Variants in WNK1 observed in about 807,000 individuals in gnomAD.
WNK1 encodes serine/threonine-protein kinase WNK1.
WNK1 carries 38 observed loss-of-function variants against 222.8 expected under a neutral mutation model. The observed-to-expected ratio is 0.17, with a 90% CI of 0.13 to 0.22. The LOEUF is 0.22. WNK1 is among the 10% of genes least tolerant of loss of function. The pLI is 1.00. For missense variants in WNK1, 2,348 were observed against 2,918.4 expected (o/e 0.80, Z 4.50); for synonymous variants, 1,090 against 1,092.9 (o/e 1.00, Z 0.05).
intron 1 of WNK1, among the ~76,000 whole-genome samples, chr12:805,606 AG>A (rs1337724892): frequency 6.6e-6 from 1 of 152,186 alleles, no homozygotes; most frequent in African/African-American, 2.4e-5. Context: ...CTTATGTGAG[AG>A]TATCTATTTC....
chr12:837,434 C>T (rs1459689219), intron 4 of WNK1, among the ~76,000 whole-genome samples: 1 of 151,916 alleles, frequency 6.6e-6, no homozygotes, highest in African/African-American at 2.4e-5. Context: ...ATTAGCCATG[C>T]GCGGTGGCGG....
At position 754,102 on chromosome 12, in the gene WNK1, G is replaced by A. The variant is rs1191581335; in HGVS notation, c.537G>A (p.Pro179=). ...TTGTGGGGAGCAAAGAGGAGCCGCC[G>A]CCGGCGAGAAGTGGCAGCGGCGGCG... ...PSLVGSKEEP[P]PARSGSGGGS... The change falls in exon 1 of 28, where the codon CCG becomes CCA. Residue 179 remains proline (P), a synonymous_variant. Coordinates refer to ENST00000315939, the MANE Select transcript of WNK1 (RefSeq NM_018979.4). 3.7e-6 allele frequency: 6 copies of A among 1,611,620 alleles called. No homozygotes were observed. The South Asian group carries it at 4.4e-5, about 12-fold the overall frequency.
Position 826,893 on chromosome 12 carries a change from T to C in WNK1, c.933-149T>C, listed in dbSNP as rs1042478232. On this transcript the variant is annotated intron_variant, in intron 2 of 27. Coordinates refer to ENST00000315939, the MANE Select transcript of WNK1 (RefSeq NM_018979.4). ...TTTAAACTATCATAGCCCTGCTTAC[T>C]AAAAGTATTATTAACCTTTAGTGTT... 4 of 649,830 alleles carry C rather than the reference T, an allele frequency of 6.2e-6. No individual in the cohort carries two copies. The African/African-American group carries it at 7.3e-5, about 12-fold the overall frequency. The allele number at this position is 649,830 out of a possible 1,614,324, so 40.3% of individuals were successfully genotyped here. A position where few individuals can be genotyped will look rare whatever the true frequency, so the allele number is the denominator to read the frequency against.
rs941366194 is a variant in WNK1 at position 887,221 on chromosome 12, G to A, written c.5281G>A (p.Val1761Met). 1 of 1,613,948 alleles carries A rather than the reference G, an allele frequency of 6.2e-7. No homozygotes were observed. Among genetic ancestry groups the A allele is most frequent in the African/African-American group, 1.3e-5 (1 of 74,884 alleles). Residue 1761 changes from valine to methionine, a missense_variant and splice_region_variant, in exon 20 of 28, where the codon GTG (valine) becomes ATG (methionine). Transcript: ENST00000315939. ...PSKPPLTKAP[V>M]LPVGTELPAG... is the part of the protein sequence containing the mutation. ...TTGATTTTCCCTTTGTTGTCTGTAGGTGCTGCCAGTGGGTACTGAACTTCC... is the reference window on the plus strand; with the variant it reads ...TTGATTTTCCCTTTGTTGTCTGTAGATGCTGCCAGTGGGTACTGAACTTCC...
At chr12:796,533 C>T (rs1388819991) in intron 1 of WNK1, among the ~76,000 whole-genome samples, 1 of 152,208 alleles carries the variant, frequency 6.6e-6, no homozygotes, top group African/African-American at 2.4e-5. Context: ...ACCTTGGCCT[C>T]CCAAAGTGCT....
chr12:759,422 C>T (rs1940692444), intron 1 of WNK1, among the ~76,000 whole-genome samples: 1 of 147,346 alleles, frequency 6.8e-6, no homozygotes, highest in East Asian at 2.0e-4. Context: ...CCTCCACCTC[C>T]CGGGTTCCAG....
At chr12:875,672 C>G (rs978684813) in intron 9 of WNK1, among the ~76,000 whole-genome samples, 3 of 152,058 alleles carry the variant, frequency 2.0e-5, no homozygotes, top group African/African-American at 7.2e-5. Flanking sequence ...TAAATAGGTG[C>G]TTTTCACTGC....
chr12:790,483 G>T (rs1186705394), intron 1 of WNK1, among the ~76,000 whole-genome samples: 1 of 152,122 alleles, frequency 6.6e-6, no homozygotes, highest in African/African-American at 2.4e-5. Flanking sequence ...ATCCTTCTGA[G>T]CCCTTGGTTG....
intron 8 of WNK1, among the ~76,000 whole-genome samples, chr12:866,238 A>T: frequency 6.6e-6 from 1 of 152,220 alleles, no homozygotes; most frequent in African/African-American, 2.4e-5. Flanking sequence ...AGAAATCCTT[A>T]TTTAGCTATT....
intron 8 of WNK1, chr12:865,034 C>G: frequency 7.0e-7 from 1 of 1,428,344 alleles, no homozygotes; most frequent in Non-Finnish European, 9.2e-7. Context: ...CAACTATGCC[C>G]TGTTATCATT....
chr12:908,885 A>G lies in WNK1; in HGVS notation c.*93A>G, dbSNP rs1319793389. 4 of 1,336,574 alleles carry G rather than the reference A, an allele frequency of 3.0e-6. No homozygotes were observed. The highest frequency in any genetic ancestry group is 1.4e-5 in the African/African-American group (1 of 69,318). The allele number at this position is 1,336,574 out of a possible 1,614,324, so 82.8% of individuals were successfully genotyped here. On this transcript the variant is annotated 3_prime_UTR_variant, in exon 28 of 28. Transcript: ENST00000315939. ...GGAAGTAGCCTATATACTAACTACTAGTGCTGCATTTAACTGGTTATTTCT... is the reference window on the plus strand; with the variant it reads ...GGAAGTAGCCTATATACTAACTACTGGTGCTGCATTTAACTGGTTATTTCT...
intron 4 of WNK1, among the ~76,000 whole-genome samples, chr12:842,570 A>G (rs1191548854): frequency 6.6e-6 from 1 of 152,176 alleles, no homozygotes; most frequent in Admixed American, 6.5e-5. Context: ...CTGAGACTTC[A>G]TAGGGCAGAC....
chr12:810,936 C>T (rs1478044371), intron 1 of WNK1, among the ~76,000 whole-genome samples: 1 of 152,122 alleles, frequency 6.6e-6, no homozygotes, highest in Non-Finnish European at 1.5e-5. Context: ...GACACGGATC[C>T]TTGGTTTTGC....
chr12:810,724 C>T (rs192111966), intron 1 of WNK1, among the ~76,000 whole-genome samples: 15 of 152,242 alleles, frequency 9.9e-5, no homozygotes, highest in African/African-American at 3.6e-4. Context: ...AAGCAAGGGA[C>T]GGAAGATGTG....
intron 26 of WNK1, among the ~76,000 whole-genome samples, chr12:902,459 A>G (rs1386940004): frequency 6.6e-6 from 1 of 152,194 alleles, no homozygotes; most frequent in East Asian, 1.9e-4. Context: ...TACCAGTTGA[A>G]AAGATGCTAG....
At chr12:854,744 C>T (rs577262848) in intron 4 of WNK1, among the ~76,000 whole-genome samples, 1 of 152,266 alleles carries the variant, frequency 6.6e-6, no homozygotes, top group African/African-American at 2.4e-5. Flanking sequence ...GTTGTTCCTC[C>T]CTGTCTGGGG....
Position 787,080 on chromosome 12 carries a change from G to A in WNK1, c.760-26562G>A, listed in dbSNP as rs138855950. 1.3e-3 allele frequency among the ~76,000 whole-genome samples: 193 copies of A among 152,110 alleles called. 1 individual carries two copies. The highest frequency in any genetic ancestry group is 4.5e-3 in the African/African-American group (186 of 41,470). On this transcript the variant is annotated intron_variant, in intron 1 of 27. Transcript: ENST00000315939. ...TTTATGTAATTTTCATTATTTAAGTGACTTAAATGAAATTATGTATTTTTC... is the reference window on the plus strand; with the variant it reads ...TTTATGTAATTTTCATTATTTAAGTAACTTAAATGAAATTATGTATTTTTC...
chr12:844,002 AT>A (rs1440447024), intron 4 of WNK1, among the ~76,000 whole-genome samples: 1 of 152,170 alleles, frequency 6.6e-6, no homozygotes, highest in African/African-American at 2.4e-5. Context: ...TTGTTCAGTC[AT>A]TCATGTAAAC....
At chr12:866,944 C>T (rs917109575) in intron 8 of WNK1, among the ~76,000 whole-genome samples, 9 of 151,786 alleles carry the variant, frequency 5.9e-5, no homozygotes, top group African/African-American at 1.7e-4. Context: ...GCCAACATGG[C>T]GAAATGTGTC....
Sources: gnomAD v4.1 joint callset for allele counts (sites outside exome capture counted in the v4.1 genomes callset) on GRCh38, gnomAD v4.1.1 for gene constraint, MANE v1.5 for transcripts, NCBI Gene and HGNC (gene_info 2026-07-23, HGNC 2026-07-21) for gene names.